ATP8A2: variants seen among roughly 807,000 people sequenced by gnomAD.
The protein encoded by ATP8A2 is phospholipid-transporting ATPase IB.
Under a neutral mutation model 165.6 loss-of-function variants are expected in ATP8A2, and 100 were observed. That is an observed-to-expected ratio of 0.60 (90% CI 0.51 to 0.71). The LOEUF is 0.71. Ranked by LOEUF, ATP8A2 falls within the 30% of genes least tolerant of loss-of-function variation. The probability of loss-of-function intolerance (pLI) is 0.00; values close to 1 mark genes in which losing one functional copy is unlikely to be tolerated. For missense variants in ATP8A2, 1,227 were observed against 1,479.5 expected, an observed-to-expected ratio of 0.83 and a Z score of 2.80; for synonymous variants, 543 against 548.8, an observed-to-expected ratio of 0.99 and a Z score of 0.15.
chr13:25,668,312 G>GT (rs1022265699), intron 24 of ATP8A2, among the ~76,000 whole-genome samples: 10 of 151,390 alleles, frequency 6.6e-5, no homozygotes, highest in Non-Finnish European at 1.0e-4. Context: ...TTTTGGTTAA[G>GT]TTTTTTTTTC....
At chr13:25,624,661 T>A (rs763248494) in intron 24 of ATP8A2, among the ~76,000 whole-genome samples, 3 of 152,222 alleles carry the variant, frequency 2.0e-5, no homozygotes, top group Non-Finnish European at 2.9e-5. Context: ...TATGTAATTA[T>A]GTGTTAATCA....
At chr13:25,533,890 A>G (rs554386695) in intron 6 of ATP8A2, among the ~76,000 whole-genome samples, 1 of 152,316 alleles carries the variant, frequency 6.6e-6, no homozygotes, top group Non-Finnish European at 1.5e-5. Context: ...TAGGTATTTT[A>G]TATCTCATAA....
Position 25,667,233 on chromosome 13 carries a change from G to A in ATP8A2, c.2212-31940G>A, listed in dbSNP as rs148119625. On this transcript the variant is annotated intron_variant, in intron 24 of 36. Transcript: ENST00000381655. ...TTTCATGTAAATGGAATCATACAGT[G>A]TGTGCTATGGTTTAGATATGGTTTG... 2.6e-5 allele frequency among the ~76,000 whole-genome samples: 4 copies of A among 152,234 alleles called. No individual in the cohort carries two copies. In the East Asian group the frequency reaches 7.7e-4, roughly 29 times the overall value.
chr13:25,382,970 T>G (rs188266773), intron 1 of ATP8A2, among the ~76,000 whole-genome samples: 5 of 151,254 alleles, frequency 3.3e-5, no homozygotes, highest in Non-Finnish European at 5.9e-5. Flanking sequence ...TTAGCCAGGA[T>G]GGTCTCCATC....
chr13:25,861,602 G>A (rs758726130), intron 32 of ATP8A2, among the ~76,000 whole-genome samples: 16 of 152,196 alleles, frequency 1.1e-4, no homozygotes, highest in Non-Finnish European at 2.1e-4. Flanking sequence ...AAGAGACAGT[G>A]GCAATTAATC....
intron 1 of ATP8A2, among the ~76,000 whole-genome samples, chr13:25,439,231 AGGGGCTGTCAGCCAGGCTGGT>A (rs1290638810): frequency 2.6e-5 from 4 of 152,162 alleles, no homozygotes; most frequent in Non-Finnish European, 5.9e-5. Flanking sequence ...GTTTCAACTC[AGGGGCTGTCAGCCAGGCTGGT>A]GGCCTTGGTG....
At chr13:25,535,950 A>G (rs2038267089) in intron 6 of ATP8A2, among the ~76,000 whole-genome samples, 1 of 152,152 alleles carries the variant, frequency 6.6e-6, no homozygotes, top group African/African-American at 2.4e-5. Context: ...AAGATGAGAG[A>G]AAGCCATAAT....
At chr13:25,394,652 T>C (rs1392361393) in intron 1 of ATP8A2, among the ~76,000 whole-genome samples, 1 of 152,166 alleles carries the variant, frequency 6.6e-6, no homozygotes, top group Non-Finnish European at 1.5e-5. Flanking sequence ...AAATATGCCT[T>C]TTGGACTAAG....
chr13:26,019,770 A>G, intron 36 of ATP8A2, 118 bp from the exon 37 acceptor site: 1 of 675,026 alleles, frequency 1.5e-6, no homozygotes. Context: ...ATCCAAGGCT[A>G]AGGAGGCCAG....
chr13:25,730,826 A>C (rs2043604853), intron 25 of ATP8A2, among the ~76,000 whole-genome samples: 1 of 152,080 alleles, frequency 6.6e-6, no homozygotes, highest in Non-Finnish European at 1.5e-5. Context: ...CTGTAATCCT[A>C]GCACTTTGGG....
At chr13:25,505,201 G>GC (rs975058762) in intron 2 of ATP8A2, among the ~76,000 whole-genome samples, 4 of 137,232 alleles carry the variant, frequency 2.9e-5, no homozygotes, top group Admixed American at 7.4e-5. Context: ...TTTCGGCGGG[G>GC]CGGGGGGGGG....
Position 25,551,500 on chromosome 13 carries a change from A to G in ATP8A2, c.1054A>G (p.Met352Val). Residue 352 changes from methionine (M) to valine (V), a missense_variant, in exon 11 of 37, where the codon ATG becomes GTG. By Grantham distance (21) the Met-to-Val change is conservative. Around this residue, in one of 5 missense-constraint regions of ATP8A2, gnomAD observed 592 missense variants for 785.6 expected, o/e 0.75. Transcript: ENST00000381655. The part of the protein sequence containing the change: ...HGEKNWYIKK[M>V]DTTSDNFGYN... ...TGAAAAGAACTGGTACATCAAGAAG[A>G]TGGGTAAGTGTCGGGGTGGGTTGCT... 6.2e-7 allele frequency: 1 copy of G among 1,601,218 alleles called. No individual in the cohort carries two copies. The highest frequency in any genetic ancestry group is 8.5e-7 in the Non-Finnish European group (1 of 1,170,430).
At chr13:25,986,721 C>G (rs1956286430) in intron 35 of ATP8A2, among the ~76,000 whole-genome samples, 1 of 152,164 alleles carries the variant, frequency 6.6e-6, no homozygotes. Context: ...GATGTATATA[C>G]CCGGGACTAG....
intron 33 of ATP8A2, among the ~76,000 whole-genome samples, chr13:25,926,241 T>C (rs529917177): frequency 1.3e-5 from 2 of 152,306 alleles, no homozygotes; most frequent in East Asian, 1.9e-4. Flanking sequence ...GCTCCTGGAA[T>C]GTTCCTGGCC....
At position 25,372,410 on chromosome 13, in the gene ATP8A2, T is replaced by C. The variant is rs2032441670; in HGVS notation, c.76+122T>C. Reference sequence around the variant, plus strand: ...GCTCCCCTCCCTGGGCTCCCTGGGCTCTCTGGGCTGCAGGATCCGCCGACG... The same window carrying C: ...GCTCCCCTCCCTGGGCTCCCTGGGCCCTCTGGGCTGCAGGATCCGCCGACG... On this transcript the variant is annotated intron_variant, in intron 1 of 36. Coordinates refer to ENST00000381655, the MANE Select transcript of ATP8A2 (RefSeq NM_016529.6). The surrounding 1 kb of genome is among the most constrained non-coding windows in gnomAD (Gnocchi z 4.8). 1 of 679,616 alleles carries C rather than the reference T, an allele frequency of 1.5e-6. No individual in the cohort carries two copies. The highest frequency in any genetic ancestry group is 2.1e-6 in the Non-Finnish European group (1 of 477,870). The allele number at this position is 679,616 out of a possible 1,614,324, so 42.1% of individuals were successfully genotyped here.
intron 24 of ATP8A2, among the ~76,000 whole-genome samples, chr13:25,660,994 G>A (rs772065563): frequency 6.6e-5 from 10 of 152,176 alleles, no homozygotes; most frequent in Non-Finnish European, 1.5e-4. Context: ...CTTGAGAACT[G>A]GGAAGTTACA....
rs770262080 is a variant in ATP8A2, at chr13:25,828,205, C to G, written c.2754+13C>G. 15 of 1,599,108 alleles carry G rather than the reference C, an allele frequency of 9.4e-6. No individual in the cohort carries two copies. Among genetic ancestry groups the G allele is most frequent in the African/African-American group, 1.3e-5 (1 of 74,620 alleles). On this transcript the variant is annotated intron_variant, in intron 28 of 36. Transcript: ENST00000381655. Reference sequence around the variant, plus strand: ...CCTGTACAATGTGGTAAGCATTCTTCATCTCTATCTGATAGCATGCAGAAC... The same window carrying G: ...CCTGTACAATGTGGTAAGCATTCTTGATCTCTATCTGATAGCATGCAGAAC...
intron 24 of ATP8A2, among the ~76,000 whole-genome samples, chr13:25,616,735 C>T (rs2040836768): frequency 1.3e-5 from 2 of 152,154 alleles, no homozygotes; most frequent in South Asian, 4.1e-4. Context: ...TAGGATGCTT[C>T]AATTTCAGCA....
chr13:25,382,224 A>G (rs919567363), intron 1 of ATP8A2, among the ~76,000 whole-genome samples: 7 of 152,184 alleles, frequency 4.6e-5, no homozygotes, highest in Admixed American at 4.6e-4. Flanking sequence ...TTACTTAGCA[A>G]TATGCATTTA....
Sources: allele counts gnomAD v4.1 joint callset (sites outside exome capture counted in the v4.1 genomes callset), GRCh38; gene constraint gnomAD v4.1.1; regional missense constraint gnomAD v4.1.1; non-coding constraint Gnocchi (gnomAD v3.1); transcripts MANE v1.5; gene names NCBI Gene and HGNC (gene_info 2026-07-23, HGNC 2026-07-21).